The following ATP10B variants were observed in gnomAD, a reference collection of about 807,000 sequenced individuals.
The protein encoded by ATP10B is ATPase phospholipid transporting 10B (putative).
In ATP10B, 122 loss-of-function variants were observed where a neutral mutation model predicts 141.2. The ratio of observed to expected loss-of-function variants is 0.86; its 90% confidence interval spans 0.75 to 1.00. ATP10B has a LOEUF of 1.00. Among genes scored for constraint, ATP10B ranks in the 50% least tolerant of loss-of-function variants. The pLI, the probability that ATP10B is intolerant of heterozygous loss-of-function variation, is 0.00. For missense variants in ATP10B, 1,876 were observed against 1,825.3 expected, an observed-to-expected ratio of 1.03 and a Z score of -0.51; for synonymous variants, 685 against 692.0, an observed-to-expected ratio of 0.99 and a Z score of 0.16.
chr5:160,909,694 A>G, the ATP10B span, among the ~76,000 whole-genome samples: 5 of 152,232 alleles, frequency 3.3e-5, no homozygotes, highest in African/African-American at 1.2e-4. Flanking sequence ...TGAATAACGT[A>G]GAATCACTTC....
chr5:160,599,129 A>G (rs542967515), intron 21 of ATP10B, among the ~76,000 whole-genome samples, 159 bp from the exon 22 acceptor site: 74 of 152,310 alleles, frequency 4.9e-4, no homozygotes, highest in African/African-American at 1.7e-3. Flanking sequence ...TCGGAGCAGT[A>G]GCTACCACTG....
chr5:160,793,161 C>A (rs1292800739), intron 1 of ATP10B, among the ~76,000 whole-genome samples: 1 of 151,842 alleles, frequency 6.6e-6, no homozygotes, highest in Non-Finnish European at 1.5e-5. Context: ...CTTTTTGCTG[C>A]CTAAGTATTT....
At chr5:160,604,440 C>G (rs1004898719) in intron 19 of ATP10B, among the ~76,000 whole-genome samples, 3 of 152,006 alleles carry the variant, frequency 2.0e-5, no homozygotes, top group African/African-American at 7.3e-5. Flanking sequence ...GAGAAAGGAC[C>G]CAGGAGAAAT....
the ATP10B span, among the ~76,000 whole-genome samples, chr5:160,873,542 G>A: frequency 3.9e-5 from 6 of 152,332 alleles, no homozygotes; most frequent in South Asian, 2.1e-4. Flanking sequence ...CAAGTTGGCC[G>A]AATAGGAACA....
intron 6 of ATP10B, chr5:160,685,033 T>C (rs1236709362): frequency 1.4e-6 from 1 of 703,542 alleles, no homozygotes; most frequent in Admixed American, 2.0e-5. Context: ...GGCAAACCGG[T>C]GTAGCTGCTC....
chr5:160,863,358 G>A, the ATP10B span, among the ~76,000 whole-genome samples: 1 of 151,852 alleles, frequency 6.6e-6, no homozygotes, highest in East Asian at 1.9e-4. Flanking sequence ...AATGGAAGAT[G>A]GAATATAAGA....
In ATP10B at chr5:160,565,894, A is replaced by G; in HGVS notation, c.3945T>C (p.Phe1315=). The G allele has an allele frequency of 1.9e-6, 3 of 1,607,828 alleles. No homozygotes were observed. The highest frequency in any genetic ancestry group is 2.2e-5 in the East Asian group (1 of 44,842). Reference sequence around the variant, plus strand: ...CACAAGTTCCTTGCAGAGACAGGAAAAAGTATCTGGTGGGAAACAACAGAA... The same window carrying G: ...CACAAGTTCCTTGCAGAGACAGGAAGAAGTATCTGGTGGGAAACAACAGAA... ...TPVVALLPRY[F]FLSLQGTCGK... The change falls in exon 26 of 26, where the codon TTT becomes TTC. Residue 1315 remains phenylalanine, a synonymous_variant. Coordinates refer to ENST00000327245, the MANE Select transcript of ATP10B (RefSeq NM_025153.3).
At chr5:160,781,857 T>A (rs1770741405) in intron 2 of ATP10B, among the ~76,000 whole-genome samples, 1 of 152,164 alleles carries the variant, frequency 6.6e-6, no homozygotes, top group Admixed American at 6.5e-5. Flanking sequence ...CAGGGTTGAG[T>A]GGTTTACATT....
Position 160,569,562 on chromosome 5 carries a change from C to A in ATP10B, c.3872G>T (p.Gly1291Val). The A allele has an allele frequency of 6.2e-7, 1 of 1,613,930 alleles. No individual in the cohort carries two copies. The highest frequency in any genetic ancestry group is 8.5e-7 in the Non-Finnish European group (1 of 1,179,896). ...GTAGAAAGTGGGGTTTGAGAGCTGGCCTTCCATCACCCAATAGGGATTGGT... is the reference window on the plus strand; with the variant it reads ...GTAGAAAGTGGGGTTTGAGAGCTGGACTTCCATCACCCAATAGGGATTGGT... ...SPTNPYWVME[G>V]QLSNPTFYLV... The change falls in exon 25 of 26, where the codon GGC (glycine) becomes GTC (valine). Residue 1291 changes from glycine (G) to valine (V), a missense_variant. Physicochemically the swap from Gly to Val is moderately radical, Grantham distance 109. Coordinates refer to ENST00000327245, the MANE Select transcript of ATP10B (RefSeq NM_025153.3).
At chr5:160,884,406 T>C in the ATP10B span, among the ~76,000 whole-genome samples, 1 of 152,248 alleles carries the variant, frequency 6.6e-6, no homozygotes, top group African/African-American at 2.4e-5. Context: ...TGTTAGGTAG[T>C]ATGAAATGAT....
intron 7 of ATP10B, among the ~76,000 whole-genome samples, chr5:160,653,012 TTTATA>T (rs1463287063): frequency 9.3e-6 from 1 of 107,030 alleles, no homozygotes; most frequent in Admixed American, 1.3e-4. Context: ...ATTATATATA[TTTATA>T]TTATATATTT....
intron 1 of ATP10B, among the ~76,000 whole-genome samples, chr5:160,808,133 A>G (rs1561875421): frequency 2.0e-5 from 3 of 152,204 alleles, no homozygotes; most frequent in Admixed American, 1.3e-4. Flanking sequence ...AATCTGTAAA[A>G]GACACACTTG....
chr5:160,788,325 T>C (rs2127900976), intron 1 of ATP10B, among the ~76,000 whole-genome samples: 1 of 152,278 alleles, frequency 6.6e-6, no homozygotes, highest in South Asian at 2.1e-4. Flanking sequence ...TTTGTGAAGG[T>C]CCCACTACAT....
chr5:160,738,237 TA>T (rs1478610336), intron 2 of ATP10B, among the ~76,000 whole-genome samples: 3 of 152,080 alleles, frequency 2.0e-5, no homozygotes, highest in Admixed American at 1.3e-4. Flanking sequence ...GAATGATAAT[TA>T]AAATAAACAT....
At chr5:160,828,704 T>A (rs1219642456) in intron 1 of ATP10B, among the ~76,000 whole-genome samples, 1 of 152,058 alleles carries the variant, frequency 6.6e-6, no homozygotes, top group Non-Finnish European at 1.5e-5. Flanking sequence ...ATCCCATTAC[T>A]GGGTATGTAC....
chr5:160,910,903 T>C, the ATP10B span, among the ~76,000 whole-genome samples: 1 of 152,198 alleles, frequency 6.6e-6, no homozygotes, highest in South Asian at 2.1e-4. Flanking sequence ...TGAGAAGATC[T>C]CTCATGAAGG....
intron 7 of ATP10B, among the ~76,000 whole-genome samples, chr5:160,656,757 A>T (rs941885010): frequency 3.3e-5 from 5 of 152,158 alleles, no homozygotes; most frequent in African/African-American, 1.2e-4. Context: ...TTAGAAGAAC[A>T]TCTTAGACCA....
At chr5:160,650,126 A>G (rs529487633) in intron 7 of ATP10B, among the ~76,000 whole-genome samples, 4 of 150,066 alleles carry the variant, frequency 2.7e-5, no homozygotes, top group Non-Finnish European at 5.9e-5. Context: ...TTTTATATAT[A>G]TATATATACA....
the ATP10B span, among the ~76,000 whole-genome samples, chr5:160,873,668 TG>T: frequency 6.6e-6 from 1 of 152,178 alleles, no homozygotes; most frequent in Non-Finnish European, 1.5e-5. Flanking sequence ...CGCAGGTCAG[TG>T]GGTGCACGCA....
Sources: allele counts gnomAD v4.1 joint callset (sites outside exome capture counted in the v4.1 genomes callset), GRCh38; gene constraint gnomAD v4.1.1; transcripts MANE v1.5; gene names NCBI Gene and HGNC (gene_info 2026-07-23, HGNC 2026-07-21).